Variants in SNX29 observed in about 807,000 individuals in gnomAD.
SNX29 encodes the protein sorting nexin-29.
SNX29 carries 78 observed loss-of-function variants against 102.1 expected under a neutral mutation model. The observed-to-expected ratio is 0.76, with a 90% CI of 0.64 to 0.92. SNX29 has a LOEUF of 0.92. Among genes scored for constraint, SNX29 ranks in the 40% least tolerant of loss-of-function variants. The probability of loss-of-function intolerance (pLI) is 0.00; values close to 1 mark genes in which losing one functional copy is unlikely to be tolerated. For synonymous variants in SNX29, 580 were observed against 414.5 expected (o/e 1.40, Z -4.85); for missense variants, 1,280 against 1,061.7 (o/e 1.21, Z -2.86).
At chr16:11,983,552 TC>T in intron 1 of SNX29, 2 of 589,838 alleles carry the variant, frequency 3.4e-6, no homozygotes, top group Non-Finnish European at 4.3e-6. Context: ...CAACATTTTT[TC>T]CCCCTTGTGA....
At chr16:12,095,513 A>AAAACATC (rs1220801047) in intron 11 of SNX29, among the ~76,000 whole-genome samples, 2 of 152,168 alleles carry the variant, frequency 1.3e-5, no homozygotes, top group East Asian at 3.8e-4. Flanking sequence ...TTCTAGTTGA[A>AAAACATC]AAACATCAAG....
chr16:12,527,868 A>G (rs118092556), intron 20 of SNX29, among the ~76,000 whole-genome samples: 3,765 of 145,082 alleles, frequency 0.026, 71 homozygotes, highest in Non-Finnish European at 0.037. Context: ...TCTGTCGGCC[A>G]AACTGGAGTC....
At chr16:12,485,002 GAACA>G (rs947650763) in intron 19 of SNX29, among the ~76,000 whole-genome samples, 1 of 152,198 alleles carries the variant, frequency 6.6e-6, no homozygotes, top group Non-Finnish European at 1.5e-5. Flanking sequence ...CTAAATTAAT[GAACA>G]AACAAACAGA....
At chr16:12,106,108 C>T (rs555046156) in intron 11 of SNX29, among the ~76,000 whole-genome samples, 17 of 152,212 alleles carry the variant, frequency 1.1e-4, no homozygotes, top group African/African-American at 3.4e-4. Context: ...CTTAATGATA[C>T]GAAATGCTCT....
At chr16:12,537,669 C>G (rs915736154) in intron 20 of SNX29, among the ~76,000 whole-genome samples, 1 of 152,080 alleles carries the variant, frequency 6.6e-6, no homozygotes, top group African/African-American at 2.4e-5. Context: ...TACTTCATGT[C>G]TTTTTTAAAC....
rs139318371 is a variant in SNX29, at chr16:12,570,060, G to C, written c.*1431G>C. On this transcript the variant is annotated 3_prime_UTR_variant, in exon 21 of 21. Transcript: ENST00000566228. ...TCTCCTAGGCTCGAGGACATCTCTG[G>C]AGAATCATCTGGAAGGTTTATACTG... 165 of 614,604 alleles carry C rather than the reference G, an allele frequency of 2.7e-4. No homozygotes were observed. The highest frequency in any genetic ancestry group is 3.4e-4 in the Non-Finnish European group (161 of 467,850). The allele number at this position is 614,604 out of a possible 1,614,324, so 38.1% of individuals were successfully genotyped here.
intron 11 of SNX29, among the ~76,000 whole-genome samples, chr16:12,103,831 TAAAC>T (rs1325118493): frequency 6.6e-6 from 1 of 152,236 alleles, no homozygotes; most frequent in Non-Finnish European, 1.5e-5. Flanking sequence ...ACAAGGAACT[TAAAC>T]AACTTTGCGA....
intron 15 of SNX29, among the ~76,000 whole-genome samples, chr16:12,299,634 C>G (rs1016193540): frequency 1.3e-5 from 2 of 152,116 alleles, no homozygotes; most frequent in East Asian, 3.9e-4. Context: ...GCTATTGTTT[C>G]TAGGCCTTTT....
intron 18 of SNX29, among the ~76,000 whole-genome samples, chr16:12,442,529 T>G (rs1460467967): frequency 2.0e-5 from 3 of 152,208 alleles, no homozygotes; most frequent in Non-Finnish European, 4.4e-5. Context: ...ACTCTGTTCT[T>G]ACAGAGTCAA....
chr16:12,105,373 C>G (rs1448696537), intron 11 of SNX29, among the ~76,000 whole-genome samples: 2 of 152,152 alleles, frequency 1.3e-5, no homozygotes, highest in Non-Finnish European at 2.9e-5. Flanking sequence ...TACAGGCACA[C>G]ACCACCACAC....
chr16:12,111,167 C>T (rs756773178), intron 11 of SNX29, among the ~76,000 whole-genome samples: 2 of 152,142 alleles, frequency 1.3e-5, no homozygotes, highest in Non-Finnish European at 2.9e-5. Flanking sequence ...GCTACTGAGG[C>T]GATCTGCTGC....
intron 15 of SNX29, among the ~76,000 whole-genome samples, chr16:12,344,173 C>T (rs1444564844): frequency 6.6e-6 from 1 of 152,188 alleles, no homozygotes; most frequent in Non-Finnish European, 1.5e-5. Context: ...ACTTGTGAGT[C>T]CATTAAACCT....
chr16:12,339,683 G>A (rs2081557086), intron 15 of SNX29, among the ~76,000 whole-genome samples: 1 of 152,194 alleles, frequency 6.6e-6, no homozygotes, highest in South Asian at 2.1e-4. Flanking sequence ...TTCTCTATAT[G>A]TGATGGATCC....
Position 12,561,834 on chromosome 16 carries a change from G to A in SNX29, c.2319-6672G>A, listed in dbSNP as rs7190596. On this transcript the variant is annotated intron_variant, in intron 20 of 20. Coordinates refer to ENST00000566228, the MANE Select transcript of SNX29 (RefSeq NM_032167.5). ...TACCGCAGCTTACATCCTTCTCCCT[G>A]CAGGGGAGGGGAGGCAGTGCCCTGG... Among the ~76,000 whole-genome samples the A allele has an allele frequency of 2.1e-3, 320 of 152,258 alleles. 1 individual carries two copies. Among genetic ancestry groups the A allele is most frequent in the African/African-American group, 7.4e-3 (307 of 41,548 alleles).
intron 20 of SNX29, chr16:12,560,833 C>T (rs1399606964): frequency 5.5e-6 from 1 of 180,806 alleles, no homozygotes; most frequent in East Asian, 9.1e-5. Context: ...TTTCACATGG[C>T]CGGCTTAAGG....
In SNX29 at chr16:12,394,027, A is replaced by G. The variant is rs1052186574; in HGVS notation, c.1900-4419A>G. On this transcript the variant is annotated intron_variant, in intron 16 of 20. Coordinates refer to ENST00000566228, the MANE Select transcript of SNX29 (RefSeq NM_032167.5). ...CTTATGTACTTGGCTCAGAGTCTGG[A>G]GGCTGACCTGTGTTCCCAGAGATGG... is the stretch of plus-strand genomic sequence containing the variant. 5.3e-4 allele frequency among the ~76,000 whole-genome samples: 80 copies of G among 152,316 alleles called. 1 individual carries two copies. The highest frequency in any genetic ancestry group is 1.9e-3 in the African/African-American group (78 of 41,564).
intron 20 of SNX29, among the ~76,000 whole-genome samples, chr16:12,537,963 C>T (rs918111942): frequency 8.0e-5 from 10 of 125,748 alleles, no homozygotes; most frequent in African/African-American, 2.5e-4. Flanking sequence ...CCAGCCTGGG[C>T]AATAGAGCAA....
chr16:12,495,467 C>T lies in SNX29; in HGVS notation c.2178+17608C>T, dbSNP rs74349244. Among the ~76,000 whole-genome samples, 1,486 of 152,284 alleles carry T rather than the reference C, an allele frequency of 9.8e-3. 29 individuals are homozygous for T. Among genetic ancestry groups the T allele is most frequent in the African/African-American group, 0.034 (1,430 of 41,536 alleles). ...CTGGCGTCATCTGGAATTCTGTCTC[C>T]TGGAAGAACTGTTTCTCAGCTACCC... On this transcript the variant is annotated intron_variant, in intron 19 of 20. Transcript: ENST00000566228.
chr16:12,546,286 G>T (rs971908993), intron 20 of SNX29: 1 of 152,232 alleles, frequency 6.6e-6, no homozygotes, highest in Non-Finnish European at 1.5e-5. Flanking sequence ...TTTTCACAGT[G>T]CTGATAAAGA....
Sources: allele counts gnomAD v4.1 joint callset (sites outside exome capture counted in the v4.1 genomes callset), GRCh38; gene constraint gnomAD v4.1.1; transcripts MANE v1.5; gene names NCBI Gene and HGNC (gene_info 2026-07-23, HGNC 2026-07-21).